The following GIPC1 variants were observed in gnomAD, a reference collection of about 807,000 sequenced individuals.
The protein encoded by GIPC1 is GIPC PDZ domain containing family member 1.
GIPC1 carries 15 observed loss-of-function variants against 28.5 expected under a neutral mutation model. The observed-to-expected ratio is 0.53, with a 90% CI of 0.35 to 0.81. GIPC1 has a LOEUF of 0.81. GIPC1 is among the 30% of genes least tolerant of loss of function. The probability of loss-of-function intolerance (pLI) is 0.01; values close to 1 mark genes in which losing one functional copy is unlikely to be tolerated. For missense variants in GIPC1, 439 were observed against 481.9 expected (o/e 0.91, Z 0.83); for synonymous variants, 224 against 206.1 (o/e 1.09, Z -0.74).
chr19:14,488,615 G>C (rs2071896685), intron 3 of GIPC1, among the ~76,000 whole-genome samples: 1 of 151,910 alleles, frequency 6.6e-6, no homozygotes, highest in Non-Finnish European at 1.5e-5. Context: ...AGCCAGGTAT[G>C]GTGGTGCATG....
At chr19:14,485,850 A>G (rs1264010659) in intron 3 of GIPC1, among the ~76,000 whole-genome samples, 2 of 151,082 alleles carry the variant, frequency 1.3e-5, no homozygotes, top group Admixed American at 1.3e-4. Flanking sequence ...GGCTCACTGC[A>G]AGCTCCACCT....
chr19:14,490,188 A>AC (rs1164738024), intron 3 of GIPC1, among the ~76,000 whole-genome samples: 2 of 151,598 alleles, frequency 1.3e-5, no homozygotes, highest in African/African-American at 2.4e-5. Flanking sequence ...ACATGGTGAA[A>AC]CCCCGTCTCT....
At chr19:14,483,799 T>G in intron 3 of GIPC1, among the ~76,000 whole-genome samples, 1 of 139,888 alleles carries the variant, frequency 7.1e-6, no homozygotes, top group Non-Finnish European at 1.6e-5. Context: ...ATAATAATAA[T>G]ACCAGCTAGG....
chr19:14,484,148 T>TTG (rs2071788977), intron 3 of GIPC1, among the ~76,000 whole-genome samples: 1 of 118,136 alleles, frequency 8.5e-6, no homozygotes. Flanking sequence ...TTTTTTTTTT[T>TTG]GAGACTGAGT....
intron 3 of GIPC1, among the ~76,000 whole-genome samples, chr19:14,483,748 C>CAATAATAATAAT (rs151161206): frequency 4.7e-4 from 66 of 141,544 alleles, no homozygotes; most frequent in Non-Finnish European, 6.2e-4. Flanking sequence ...GACTCTGTCT[C>CAATAATAATAAT]AATAATAATA....
chr19:14,490,974 C>CA (rs111731833), intron 3 of GIPC1, among the ~76,000 whole-genome samples: 60,438 of 112,788 alleles, frequency 0.54, 16,458 homozygotes, highest in Non-Finnish European at 0.59. Flanking sequence ...GACTCCATCT[C>CA]AAAAAAAAAA....
rs1462807922 is a variant in GIPC1, at chr19:14,478,365, G to A, written c.*51C>T. 2 of 1,534,602 alleles carry A rather than the reference G, an allele frequency of 1.3e-6. No individual in the cohort carries two copies. The highest frequency in any genetic ancestry group is 2.7e-5 in the African/African-American group (2 of 73,168). ...TCCTGACGTCAGTGTCCCTGCTGGG[G>A]GCCCCCACCAGGTTGCGCCCGGGTC... On this transcript the variant is annotated 3_prime_UTR_variant, in exon 9 of 9. Coordinates refer to ENST00000393033, the MANE Select transcript of GIPC1 (RefSeq NM_005716.4). This position sits in a 1 kb window ranked among gnomAD's most constrained non-coding sequence, Gnocchi z 5.2.
chr19:14,478,150 A>T lies in GIPC1; in HGVS notation c.*266T>A. The T allele has an allele frequency of 2.3e-6, 1 of 430,468 alleles. No homozygotes were observed. The highest frequency in any genetic ancestry group is 4.2e-6 in the Non-Finnish European group (1 of 239,354). 26.7% of individuals were successfully genotyped at this position (430,468 alleles called of 1,614,324 possible). Reference sequence around the variant, plus strand: ...CGGGGGTGGCCGCCCAATTTGGCTGATCCCTCCCCTCCCTGTGCCTGACCC... The same window carrying T: ...CGGGGGTGGCCGCCCAATTTGGCTGTTCCCTCCCCTCCCTGTGCCTGACCC... On this transcript the variant is annotated 3_prime_UTR_variant, in exon 9 of 9. Transcript: ENST00000393033. This position sits in a 1 kb window ranked among gnomAD's most constrained non-coding sequence, Gnocchi z 5.2.
chr19:14,480,809 C>T (rs764083997), intron 4 of GIPC1, 31 bp from the exon 5 acceptor site: 9 of 1,466,730 alleles, frequency 6.1e-6, no homozygotes, highest in South Asian at 3.6e-5. Context: ...GAAACCTCTT[C>T]CCCCTCCCTC....
chr19:14,492,150 A>G (rs2071987985), intron 2 of GIPC1, among the ~76,000 whole-genome samples: 1 of 152,200 alleles, frequency 6.6e-6, no homozygotes, highest in Non-Finnish European at 1.5e-5. Context: ...AACTAAAAAC[A>G]TGAATCTGGA....
intron 3 of GIPC1, among the ~76,000 whole-genome samples, chr19:14,491,254 C>T (rs1311430210): frequency 2.0e-5 from 3 of 151,644 alleles, no homozygotes; most frequent in South Asian, 2.1e-4. Context: ...TCAGCTTGGC[C>T]GCATCCAATC....
intron 3 of GIPC1, chr19:14,489,754 T>C (rs944582172): frequency 4.1e-5 from 26 of 639,394 alleles, no homozygotes; most frequent in Non-Finnish European, 6.8e-5. Flanking sequence ...AAAAATGTTT[T>C]TTCAGATGTT....
At chr19:14,482,470 G>A (rs919877767) in intron 4 of GIPC1, 1 of 601,460 alleles carries the variant, frequency 1.7e-6, no homozygotes, top group Admixed American at 3.0e-5. Flanking sequence ...TCAGCATCCA[G>A]CCCTGGCCTC....
intron 2 of GIPC1, among the ~76,000 whole-genome samples, 180 bp downstream of exon 2, chr19:14,492,677 T>G (rs902590238): frequency 1.3e-5 from 2 of 152,038 alleles, no homozygotes; most frequent in Non-Finnish European, 2.9e-5. Flanking sequence ...GACCACCAAT[T>G]CCCAGCCTCC....
chr19:14,480,154 G>A (rs2146460633), intron 6 of GIPC1, 151 bp downstream of exon 6: 2 of 655,940 alleles, frequency 3.0e-6, no homozygotes, highest in Non-Finnish European at 5.2e-6. Context: ...ACCCCGTCTG[G>A]GGTCGGGAGG....
At chr19:14,490,839 G>T (rs1211611113) in intron 3 of GIPC1, among the ~76,000 whole-genome samples, 2 of 151,514 alleles carry the variant, frequency 1.3e-5, no homozygotes, top group South Asian at 4.2e-4. Flanking sequence ...GCTGGGCGTG[G>T]TGGCACACAC....
At chr19:14,494,521 G>A (rs2072037713) in intron 1 of GIPC1, among the ~76,000 whole-genome samples, 1 of 152,194 alleles carries the variant, frequency 6.6e-6, no homozygotes, top group South Asian at 2.1e-4. Context: ...TTGCTAACTT[G>A]TTTGTTGGCT....
At chr19:14,485,690 T>G (rs909505031) in intron 3 of GIPC1, among the ~76,000 whole-genome samples, 59 of 64,764 alleles carry the variant, frequency 9.1e-4, no homozygotes, top group Non-Finnish European at 1.6e-3. Flanking sequence ...AACAAATATA[T>G]ATATATATAT....
In GIPC1 at chr19:14,478,381, C is replaced by T. The variant is rs551473302; in HGVS notation, c.*35G>A. ...CCTGCTGGGGGCCCCCACCAGGTTG[C>T]GCCCGGGTCATCATCGCAGGGTCCG... On this transcript the variant is annotated 3_prime_UTR_variant, in exon 9 of 9. Transcript: ENST00000393033. This position sits in a 1 kb window ranked among gnomAD's most constrained non-coding sequence, Gnocchi z 5.2. The T allele has an allele frequency of 5.1e-6, 8 of 1,564,672 alleles. No homozygotes were observed. Among genetic ancestry groups the T allele is most frequent in the Admixed American group, 3.7e-5 (2 of 54,124 alleles).
Sources: gnomAD v4.1 joint callset for allele counts (sites outside exome capture counted in the v4.1 genomes callset) on GRCh38, gnomAD v4.1.1 for gene constraint, Gnocchi (gnomAD v3.1) non-coding constraint, MANE v1.5 for transcripts, NCBI Gene and HGNC (gene_info 2026-07-23, HGNC 2026-07-21) for gene names.